Variants in GRM4 observed in about 807,000 individuals in gnomAD.
GRM4 encodes glutamate metabotropic receptor 4.
A neutral mutation model predicts 81.7 loss-of-function variants in GRM4; 28 were observed. The ratio of observed to expected loss-of-function variants is 0.34; its 90% CI spans 0.25 to 0.47. The LOEUF is 0.47. Ranked by LOEUF, GRM4 falls within the 20% of genes least tolerant of loss-of-function variation. GRM4 has a pLI of 1.00. For missense variants in GRM4, 948 were observed against 1,290.0 expected, an observed-to-expected ratio of 0.73 and a Z score of 4.06; for synonymous variants, 488 against 528.8, an observed-to-expected ratio of 0.92 and a Z score of 1.06.
chr6:34,050,062 C>T (rs1217438933), intron 6 of GRM4, among the ~76,000 whole-genome samples: 2 of 152,228 alleles, frequency 1.3e-5, no homozygotes, highest in African/African-American at 4.8e-5. Flanking sequence ...ATGATCTGCA[C>T]TACCTGCCCG....
chr6:34,044,613 C>T (rs1433369811), intron 6 of GRM4, among the ~76,000 whole-genome samples: 3 of 145,926 alleles, frequency 2.1e-5, no homozygotes, highest in African/African-American at 8.1e-5. Flanking sequence ...GACATACATA[C>T]ATACACATAT....
At chr6:34,054,740 T>G (rs1427023518) in intron 6 of GRM4, 2 of 152,312 alleles carry the variant, frequency 1.3e-5, no homozygotes, top group Non-Finnish European at 2.9e-5. Context: ...TTGCCACCAC[T>G]TCCAGTCTTT....
chr6:34,096,009 C>T (rs1302443133), intron 2 of GRM4, among the ~76,000 whole-genome samples: 1 of 152,302 alleles, frequency 6.6e-6, no homozygotes, highest in East Asian at 1.9e-4. Context: ...GAGGAGAATG[C>T]TCCTCTCCTC....
At chr6:34,107,112 G>T (rs949503327) in intron 2 of GRM4, among the ~76,000 whole-genome samples, 1 of 152,214 alleles carries the variant, frequency 6.6e-6, no homozygotes, top group Non-Finnish European at 1.5e-5. Context: ...GCTGCAGGGG[G>T]TATCTCCGAA....
At chr6:34,138,847 CCT>C (rs1172758632) in intron 1 of GRM4, among the ~76,000 whole-genome samples, 3 of 152,212 alleles carry the variant, frequency 2.0e-5, no homozygotes, top group Non-Finnish European at 4.4e-5. Context: ...GATTCCAGGG[CCT>C]CTCGTTCAAG....
At chr6:34,051,205 C>T (rs1215429613) in intron 6 of GRM4, among the ~76,000 whole-genome samples, 3 of 152,126 alleles carry the variant, frequency 2.0e-5, no homozygotes, top group African/African-American at 2.4e-5. Flanking sequence ...GCCAAATGGT[C>T]GGATTCAAAC....
At chr6:34,101,991 C>T (rs1468810226) in intron 2 of GRM4, 1 of 1,533,968 alleles carries the variant, frequency 6.5e-7, no homozygotes, top group Non-Finnish European at 8.7e-7. Flanking sequence ...GCCCTAGTGG[C>T]CAGGTCAGGG....
rs1764700907 is a variant in GRM4, at chr6:34,036,215, C to T, written c.1895G>A (p.Gly632Asp). The change falls in exon 9 of 11, where the codon GGC becomes GAC. Residue 632 changes from glycine (G) to aspartate (D), a missense_variant. Gly to Asp is a moderately conservative substitution (Grantham distance 94). Coordinates refer to ENST00000538487, the MANE Select transcript of GRM4 (RefSeq NM_000841.4). This position sits in a 1 kb window ranked among gnomAD's most constrained non-coding sequence, Gnocchi z 9.0. ...GRELSYVLLA[G>D]IFLCYATTFL... ...GGTGGTGGCATAGCACAGGAAGATG[C>T]CTGCCAGCAGCACGTAGCTCAGTTC... is the stretch of plus-strand genomic sequence containing the variant. The T allele has an allele frequency of 1.2e-6, 2 of 1,614,090 alleles. No individual in the cohort carries two copies. Among genetic ancestry groups the T allele is most frequent in the Non-Finnish European group, 1.7e-6 (2 of 1,179,950 alleles).
chr6:34,028,156 C>T lies in GRM4; in HGVS notation c.2653G>A (p.Ala885Thr), dbSNP rs773551884. The T allele has an allele frequency of 2.4e-5, 38 of 1,613,752 alleles. No homozygotes were observed. Among genetic ancestry groups the T allele is most frequent in the East Asian group, 2.2e-5 (1 of 44,888 alleles). ...QKGNFRPNGE[A>T]KSELCENLEA... is the part of the protein sequence containing the mutation. ...AGGTTCTCGCAGAGCTCAGACTTGG[C>T]CTCTCCGTTGGGCCGGAAGTTGCCC... Residue 885 changes from alanine (A) to threonine (T), a missense_variant, in exon 10 of 11, where the codon GCC becomes ACC. By Grantham distance (58) the Ala-to-Thr change is moderately conservative (BLOSUM62 0). Transcript: ENST00000538487.
At chr6:34,113,084 C>T (rs1341515010) in intron 2 of GRM4, among the ~76,000 whole-genome samples, 1 of 151,998 alleles carries the variant, frequency 6.6e-6, no homozygotes, top group Non-Finnish European at 1.5e-5. Context: ...TTCCCTCCTT[C>T]CTTCCTCCCT....
rs913252817 is a variant in GRM4, at chr6:34,069,802, C to T, written c.737-7774G>A. On this transcript the variant is annotated intron_variant, in intron 3 of 10. Transcript: ENST00000538487. The surrounding 1 kb of genome is among the most constrained non-coding windows in gnomAD (Gnocchi z 6.4). ...TCCCCACCAGGATCCACCCATCTGG[C>T]CACGTCTGTGCCCCCAACAGGCCTC... is the stretch of plus-strand genomic sequence containing the variant. Among the ~76,000 whole-genome samples, 3 of 152,130 alleles carry T rather than the reference C, an allele frequency of 2.0e-5. No individual in the cohort carries two copies. Among genetic ancestry groups the T allele is most frequent in the African/African-American group, 7.2e-5 (3 of 41,418 alleles).
Position 34,020,530 on chromosome 6 carries a change from C to T in GRM4, c.*2291G>A, listed in dbSNP as rs189657297. The T allele has an allele frequency of 1.4e-3, 190 of 138,222 alleles. No individual in the cohort carries two copies. Among genetic ancestry groups the T allele is most frequent in the African/African-American group, 4.6e-3 (180 of 38,716 alleles). The allele number at this position is 138,222 out of a possible 1,614,324, so 8.6% of individuals were successfully genotyped here. ...TTCTGCATTCCCCATCCCTACCCCC[C>T]ACCCCCCCACCCCCAACTGCCCTGG... On this transcript the variant is annotated 3_prime_UTR_variant, in exon 11 of 11. Transcript: ENST00000538487.
At position 34,068,142 on chromosome 6, in the gene GRM4, C is replaced by T. The variant is rs760105296; in HGVS notation, c.737-6114G>A. On this transcript the variant is annotated intron_variant, in intron 3 of 10. Transcript: ENST00000538487. This position sits in a 1 kb window ranked among gnomAD's most constrained non-coding sequence, Gnocchi z 4.2. The stretch of plus-strand genomic sequence containing the variant: ...GCAGAGGAGGACAGCAGCAGCATGA[C>T]GTGCTGGAGGGAGACGGGGGGGCTG... Among the ~76,000 whole-genome samples, 2 of 152,192 alleles carry T rather than the reference C, an allele frequency of 1.3e-5. No individual in the cohort carries two copies. The highest frequency in any genetic ancestry group is 1.9e-4 in the East Asian group (1 of 5,192).
At position 34,048,361 on chromosome 6, in the gene GRM4, C is replaced by T. The variant is rs1370846339; in HGVS notation, c.1169-7613G>A. Among the ~76,000 whole-genome samples the T allele has an allele frequency of 6.6e-6, 1 of 152,062 alleles. No individual in the cohort carries two copies. The highest frequency in any genetic ancestry group is 1.9e-4 in the East Asian group (1 of 5,176). On this transcript the variant is annotated intron_variant, in intron 6 of 10. Transcript: ENST00000538487. The surrounding 1 kb of genome is among the most constrained non-coding windows in gnomAD (Gnocchi z 4.0). ...ACCTGGCGCCTGCACAGCCCCGTGC[C>T]CAAGAAGGATCAGCTCTCGACTCCT...
intron 10 of GRM4, among the ~76,000 whole-genome samples, chr6:34,027,763 G>T (rs1317530930): frequency 6.6e-6 from 1 of 152,208 alleles, no homozygotes; most frequent in Non-Finnish European, 1.5e-5. Flanking sequence ...CCAGCACAGG[G>T]AAATCCCGGG....
At chr6:34,066,709 A>G (rs901895982) in intron 3 of GRM4, among the ~76,000 whole-genome samples, 9 of 152,018 alleles carry the variant, frequency 5.9e-5, no homozygotes, top group Non-Finnish European at 1.3e-4. Context: ...GGACTGAAGA[A>G]GGTTCCGACT....
At position 34,077,413 on chromosome 6, in the gene GRM4, G is replaced by A. The variant is rs912909101; in HGVS notation, c.736+14470C>T. On this transcript the variant is annotated intron_variant, in intron 3 of 10. Coordinates refer to ENST00000538487, the MANE Select transcript of GRM4 (RefSeq NM_000841.4). ...GCTGACCCCTCAGGCCCTAATTCAC[G>A]GCGCACCTCCACTCCTGTCGACACC... Among the ~76,000 whole-genome samples the A allele has an allele frequency of 3.9e-5, 6 of 152,054 alleles. No homozygotes were observed. In the East Asian group the frequency reaches 7.8e-4, roughly 20 times the overall value.
At chr6:34,050,490 G>A (rs899804750) in intron 6 of GRM4, among the ~76,000 whole-genome samples, 28 of 152,036 alleles carry the variant, frequency 1.8e-4, no homozygotes, top group Non-Finnish European at 3.5e-4. Context: ...TCTCTTTCCC[G>A]TCTCCCTCCC....
At chr6:34,109,530 G>A (rs2127498440) in intron 2 of GRM4, among the ~76,000 whole-genome samples, 1 of 152,296 alleles carries the variant, frequency 6.6e-6, no homozygotes, top group East Asian at 1.9e-4. Context: ...CATCTGCAGA[G>A]TACATTCAAA....
Sources: allele counts gnomAD v4.1 joint callset (sites outside exome capture counted in the v4.1 genomes callset), GRCh38; gene constraint gnomAD v4.1.1; non-coding constraint Gnocchi (gnomAD v3.1); transcripts MANE v1.5; gene names NCBI Gene and HGNC (gene_info 2026-07-23, HGNC 2026-07-21).